TMCO5A: variants seen among roughly 807,000 people sequenced by gnomAD.
The protein encoded by TMCO5A is transmembrane and coiled-coil domains 5A, also known as transmembrane and coiled-coil domain-containing protein 5A.
In TMCO5A, 34 loss-of-function variants were observed where a neutral mutation model predicts 42.3. The ratio of observed to expected loss-of-function variants is 0.80; its 90% CI spans 0.61 to 1.07. TMCO5A has a LOEUF of 1.07. Among genes scored for constraint, TMCO5A ranks in the 50% least tolerant of loss-of-function variants. The probability of loss-of-function intolerance (pLI) is 0.00; values close to 1 mark genes in which losing one functional copy is unlikely to be tolerated. For missense variants in TMCO5A, 357 were observed against 327.9 expected, an observed-to-expected ratio of 1.09 and a Z score of -0.69; for synonymous variants, 131 against 115.6, an observed-to-expected ratio of 1.13 and a Z score of -0.86.
chr15:37,982,735 T>C, the TMCO5A span, among the ~76,000 whole-genome samples: 3 of 140,476 alleles, frequency 2.1e-5, no homozygotes, highest in Non-Finnish European at 3.0e-5. Flanking sequence ...CTATAATATA[T>C]AAATATATAT....
chr15:37,938,023 G>A, intron 5 of TMCO5A, 135 bp from the exon 6 acceptor site: 1 of 732,830 alleles, frequency 1.4e-6, no homozygotes, highest in East Asian at 2.8e-5. Context: ...TGTTTCCACA[G>A]GTCACCAAAT....
chr15:38,011,048 C>CT, the TMCO5A span, among the ~76,000 whole-genome samples: 1 of 152,180 alleles, frequency 6.6e-6, no homozygotes, highest in Non-Finnish European at 1.5e-5. Context: ...CACCCAGCAT[C>CT]TTTTATGTAT....
the TMCO5A span, among the ~76,000 whole-genome samples, chr15:38,025,175 GTGTGTGTGTGT>G: frequency 1.0e-5 from 1 of 98,008 alleles, no homozygotes; most frequent in Non-Finnish European, 2.2e-5. Flanking sequence ...GTGTGTGTGT[GTGTGTGTGTGT>G]GTGTGTGTGT....
At chr15:37,957,427 A>T (rs1363160512) in intron 11 of TMCO5A, among the ~76,000 whole-genome samples, 1 of 131,418 alleles carries the variant, frequency 7.6e-6, no homozygotes, top group Non-Finnish European at 1.6e-5. Flanking sequence ...AAAAATCACA[A>T]GCATTCCTGT....
At chr15:37,966,669 G>T (rs1180588776) in exon 12 of TMCO5A, 1 of 702,886 alleles carries the variant, frequency 1.4e-6, no homozygotes, top group African/African-American at 1.7e-5. Flanking sequence ...CAACAATCCA[G>T]ATCTCGTACT....
chr15:38,006,777 A>G, the TMCO5A span, among the ~76,000 whole-genome samples: 1 of 152,142 alleles, frequency 6.6e-6, no homozygotes, highest in Non-Finnish European at 1.5e-5. Context: ...AATCTAAAGC[A>G]GGGATTAGCA....
downstream of TMCO5A, among the ~76,000 whole-genome samples, chr15:37,969,516 G>C (rs895969526): frequency 6.6e-6 from 1 of 152,120 alleles, no homozygotes; most frequent in Non-Finnish European, 1.5e-5. Flanking sequence ...ACTGCCTTGA[G>C]GGTTTCCAAT....
At chr15:37,969,088 T>C (rs1171635603), downstream of TMCO5A, among the ~76,000 whole-genome samples, 1 of 152,092 alleles carries the variant, frequency 6.6e-6, no homozygotes, top group Non-Finnish European at 1.5e-5. Flanking sequence ...ATATGATAAG[T>C]CCTATAACAG....
downstream of TMCO5A, among the ~76,000 whole-genome samples, chr15:37,970,869 T>C (rs1462768743): frequency 3.3e-5 from 5 of 152,378 alleles, no homozygotes; most frequent in East Asian, 9.7e-4. Context: ...TCCCATAGTC[T>C]TGGGCAGCTC....
chr15:37,984,197 T>C, the TMCO5A span, among the ~76,000 whole-genome samples: 1 of 152,348 alleles, frequency 6.6e-6, no homozygotes, highest in Non-Finnish European at 1.5e-5. Flanking sequence ...GAAGCTTTTT[T>C]TAGCAAAGCA....
chr15:38,026,498 G>A, the TMCO5A span, among the ~76,000 whole-genome samples: 3 of 152,266 alleles, frequency 2.0e-5, no homozygotes, highest in Admixed American at 6.5e-5. Context: ...AAAGGCATTC[G>A]GTTTTATAAG....
the TMCO5A span, among the ~76,000 whole-genome samples, chr15:38,012,111 G>A: frequency 3.2e-4 from 44 of 138,702 alleles, no homozygotes; most frequent in East Asian, 7.6e-3. Flanking sequence ...GTGACAGAGC[G>A]AGACTCCGTC....
the TMCO5A span, among the ~76,000 whole-genome samples, chr15:38,038,040 A>G: frequency 2.0e-5 from 3 of 152,096 alleles, no homozygotes; most frequent in Admixed American, 2.0e-4. Flanking sequence ...AAAAAATACT[A>G]ACAATAATTG....
At chr15:38,029,977 C>T in the TMCO5A span, among the ~76,000 whole-genome samples, 12 of 152,074 alleles carry the variant, frequency 7.9e-5, no homozygotes, top group Non-Finnish European at 1.3e-4. Flanking sequence ...CATATAAAAC[C>T]TCATAAGATT....
At chr15:38,032,692 A>C in the TMCO5A span, among the ~76,000 whole-genome samples, 5 of 152,198 alleles carry the variant, frequency 3.3e-5, no homozygotes, top group Non-Finnish European at 5.9e-5. Context: ...AGCAGAGGCC[A>C]TGTCCATAAT....
the TMCO5A span, among the ~76,000 whole-genome samples, chr15:38,014,094 A>G: frequency 1.3e-5 from 2 of 152,198 alleles, no homozygotes; most frequent in Admixed American, 1.3e-4. Flanking sequence ...TGGGTCCATG[A>G]GGATCATCTA....
At chr15:38,020,847 TGG>T in the TMCO5A span, among the ~76,000 whole-genome samples, 1 of 152,204 alleles carries the variant, frequency 6.6e-6, no homozygotes. Flanking sequence ...TATTGCTTTT[TGG>T]TTTAAGAGAA....
the TMCO5A span, among the ~76,000 whole-genome samples, chr15:37,976,786 CTTCT>C: frequency 7.2e-6 from 1 of 139,098 alleles, no homozygotes; most frequent in Non-Finnish European, 1.5e-5. Context: ...CTTTCTTTTT[CTTCT>C]TTCTTTTTTT....
At chr15:37,938,339 C>T in intron 6 of TMCO5A, 110 bp downstream of exon 6, 2 of 912,238 alleles carry the variant, frequency 2.2e-6, no homozygotes, top group East Asian at 2.8e-5. Context: ...AGTTTTCCTC[C>T]ATGTCAAGCT....
Sources: gnomAD v4.1 joint callset for allele counts (sites outside exome capture counted in the v4.1 genomes callset) on GRCh38, gnomAD v4.1.1 for gene constraint, MANE v1.5 for transcripts, NCBI Gene and HGNC (gene_info 2026-07-23, HGNC 2026-07-21) for gene names.